Variants in MMP27 observed in about 807,000 individuals in gnomAD.
The protein encoded by MMP27 is matrix metallopeptidase 27.
In MMP27, 51 loss-of-function variants were observed where a neutral mutation model predicts 48.1. The ratio of observed to expected loss-of-function variants is 1.06; its 90% CI spans 0.85 to 1.34. MMP27 has a LOEUF of 1.34. Ranked by LOEUF, MMP27 falls within the 40% of genes most tolerant of loss-of-function variation. The pLI, the probability that MMP27 is intolerant of heterozygous loss-of-function variation, is 0.00. For missense variants in MMP27, 698 were observed against 619.3 expected, an observed-to-expected ratio of 1.13 and a Z score of -1.35; for synonymous variants, 229 against 208.9, an observed-to-expected ratio of 1.10 and a Z score of -0.83.
At chr11:102,704,843 A>T (rs149024054) in intron 1 of MMP27, 68 bp from the exon 2 acceptor site, 2 of 1,055,422 alleles carry the variant, frequency 1.9e-6, no homozygotes, top group Non-Finnish European at 2.7e-6. Flanking sequence ...CCATCTCAGG[A>T]TAAAGCAAAA....
chr11:102,696,374 C>T lies in MMP27; in HGVS notation c.899G>A (p.Gly300Asp), dbSNP rs780088897. Reference protein sequence around the residue: ...TFRREVMFFKGRHLWRIYYDI... With the variant: ...TFRREVMFFKDRHLWRIYYDI... ...GTGTTTAGAGAAATGAGTTTACCTG[C>T]CTTTAAAGAACATTACTTCTCTGCG... The change falls in exon 6 of 10, where the codon GGC (glycine) becomes GAC (aspartate). Residue 300 changes from glycine to aspartate, a missense_variant. Physicochemically the swap from Gly to Asp is moderately conservative, Grantham distance 94. Transcript: ENST00000260229. The T allele has an allele frequency of 2.2e-5, 36 of 1,613,370 alleles. No individual in the cohort carries two copies. The highest frequency in any genetic ancestry group is 3.0e-5 in the Non-Finnish European group (35 of 1,179,640).
In MMP27 at chr11:102,691,737, C is replaced by A. The variant is rs1278122246; in HGVS notation, c.*29G>T. 1.3e-6 allele frequency: 2 copies of A among 1,504,916 alleles called. No homozygotes were observed. The highest frequency in any genetic ancestry group is 2.6e-5 in the South Asian group (2 of 76,020). The allele number at this position is 1,504,916 out of a possible 1,614,324, so 93.2% of individuals were successfully genotyped here. On this transcript the variant is annotated 3_prime_UTR_variant, in exon 10 of 10. Transcript: ENST00000260229. ...TGAAGCAGAATTTATATTAAAAGAC[C>A]TGTTGAGGTTTATTTTAGGTCTATG...
Position 102,692,961 on chromosome 11 carries a change from A to G in MMP27, c.1274T>C (p.Val425Ala). The G allele has an allele frequency of 1.2e-6, 2 of 1,613,646 alleles. No individual in the cohort carries two copies. The highest frequency in any genetic ancestry group is 1.7e-6 in the Non-Finnish European group (2 of 1,179,650). ...ACCTTTGTACTGGAAAGCAGCATCA[A>G]CACGGATACTGATTCCAGGAAAGTG... ...VKHFPGISIR[V>A]DAAFQYKGFF... Residue 425 changes from valine to alanine, a missense_variant, in exon 9 of 10, where the codon GTT becomes GCT. By Grantham distance (64) the Val-to-Ala change is moderately conservative. Coordinates refer to ENST00000260229, the MANE Select transcript of MMP27 (RefSeq NM_022122.3).
At chr11:102,699,652 C>A (rs1860901525) in intron 4 of MMP27, among the ~76,000 whole-genome samples, 1 of 152,138 alleles carries the variant, frequency 6.6e-6, no homozygotes, top group South Asian at 2.1e-4. Flanking sequence ...TCTGCTCTTG[C>A]CTTTGTTGCT....
In MMP27 at chr11:102,691,620, A is replaced by G. The variant is rs987128196; in HGVS notation, c.*146T>C. 1.7e-5 allele frequency: 11 copies of G among 654,156 alleles called. No individual in the cohort carries two copies. In the South Asian group the frequency reaches 2.6e-4, roughly 16 times the overall value. 40.5% of individuals were successfully genotyped at this position (654,156 alleles called of 1,614,324 possible). A position where few individuals can be genotyped will look rare whatever the true frequency, so the allele number is the denominator to read the frequency against. On this transcript the variant is annotated 3_prime_UTR_variant, in exon 10 of 10. Coordinates refer to ENST00000260229, the MANE Select transcript of MMP27 (RefSeq NM_022122.3). The stretch of plus-strand genomic sequence containing the variant: ...TGTTTCTACATAATAACTTCCTATT[A>G]AAAGAATCAGGCAGCTCAAAATGGC...
At position 102,694,068 on chromosome 11, in the gene MMP27, A is replaced by AG. The variant is rs1860777246; in HGVS notation, c.1034-4dup. The AG allele has an allele frequency of 3.2e-6, 5 of 1,557,324 alleles. No individual in the cohort carries two copies. Among genetic ancestry groups the AG allele is most frequent in the Non-Finnish European group, 4.3e-6 (5 of 1,155,774 alleles). ...TCTGATCATCCAGAAGTTTTCATCT[A>AG]GGAAGAGAGGAGTGATTATTTATTT... On this transcript the variant is annotated splice_polypyrimidine_tract_variant and splice_region_variant and intron_variant, in intron 7 of 9. Coordinates refer to ENST00000260229, the MANE Select transcript of MMP27 (RefSeq NM_022122.3).
chr11:102,697,912 G>A (rs181496214), intron 4 of MMP27, among the ~76,000 whole-genome samples: 56 of 152,226 alleles, frequency 3.7e-4, no homozygotes, highest in Admixed American at 6.5e-4. Flanking sequence ...AGGGTCATCC[G>A]TATTACTGTC....
At chr11:102,702,915 G>A in intron 3 of MMP27, 34 bp from the exon 4 acceptor site, 1 of 1,611,916 alleles carries the variant, frequency 6.2e-7, no homozygotes, top group Non-Finnish European at 8.5e-7. Context: ...AAAAAGATCA[G>A]CTTCCTCAAA....
intron 4 of MMP27, among the ~76,000 whole-genome samples, chr11:102,699,651 GC>G (rs1180931311): frequency 6.6e-6 from 1 of 152,148 alleles, no homozygotes; most frequent in Non-Finnish European, 1.5e-5. Flanking sequence ...TTCTGCTCTT[GC>G]CTTTGTTGCT....
At chr11:102,703,152 C>T (rs1406010811) in intron 2 of MMP27, 34 bp from the exon 3 acceptor site, 2 of 1,594,198 alleles carry the variant, frequency 1.3e-6, no homozygotes, top group Non-Finnish European at 1.7e-6. Flanking sequence ...CAATTTCTGG[C>T]TTATTCATGC....
chr11:102,694,448 C>T (rs1469921889), intron 7 of MMP27, among the ~76,000 whole-genome samples: 1 of 152,082 alleles, frequency 6.6e-6, no homozygotes. Context: ...GACATGTTCT[C>T]CTAAGTTTCA....
chr11:102,697,744 A>AT (rs1404466374), intron 4 of MMP27, among the ~76,000 whole-genome samples: 3 of 152,144 alleles, frequency 2.0e-5, no homozygotes, highest in Admixed American at 1.3e-4. Context: ...GGCTAAAGCA[A>AT]TCCTCCGGCT....
At chr11:102,692,856 AG>A (rs1860750118) in intron 9 of MMP27, 81 bp downstream of exon 9, 2 of 1,130,430 alleles carry the variant, frequency 1.8e-6, no homozygotes, top group Non-Finnish European at 2.6e-6. Context: ...TTAAAATAAA[AG>A]CATTTAAGTT....
At chr11:102,696,350 T>G in intron 6 of MMP27, 21 bp downstream of exon 6, 1 of 1,612,028 alleles carries the variant, frequency 6.2e-7, no homozygotes, top group Non-Finnish European at 8.5e-7. Flanking sequence ...GAAGTTGAGG[T>G]GTTTAGAGAA....
In MMP27 at chr11:102,703,072, C is replaced by G. The variant is rs767010097; in HGVS notation, c.388G>C (p.Ala130Pro). The G allele has an allele frequency of 2.5e-6, 4 of 1,613,982 alleles. No homozygotes were observed. In the African/African-American group the frequency reaches 4.0e-5, roughly 16 times the overall value. The change falls in exon 3 of 10, where the codon GCT becomes CCT. Residue 130 changes from alanine to proline, a missense_variant. Ala to Pro is a conservative substitution (Grantham distance 27). Coordinates refer to ENST00000260229, the MANE Select transcript of MMP27 (RefSeq NM_022122.3). ...PDMARAAVDE[A>P]IQEGLEVWSK... ...CACACTTCTAAACCTTCTTGGATAGCCTCATCCACAGCAGCTCGTGCCATA... is the reference window on the plus strand; with the variant it reads ...CACACTTCTAAACCTTCTTGGATAGGCTCATCCACAGCAGCTCGTGCCATA...
intron 8 of MMP27, among the ~76,000 whole-genome samples, chr11:102,693,563 G>A (rs867277366): frequency 2.6e-5 from 4 of 152,102 alleles, no homozygotes; most frequent in Middle Eastern, 3.4e-3. Flanking sequence ...TGGGTGGATC[G>A]CTTGAGCCCA....
Position 102,691,862 on chromosome 11 carries a change from T to G in MMP27, c.1446A>C (p.Ala482=), listed in dbSNP as rs1860730376. 1 of 1,613,444 alleles carries G rather than the reference T, an allele frequency of 6.2e-7. No individual in the cohort carries two copies. Among genetic ancestry groups the G allele is most frequent in the South Asian group, 1.1e-5 (1 of 91,046 alleles). Residue 482 remains alanine (A), a synonymous_variant, in exon 10 of 10, where the codon GCA becomes GCC. Transcript: ENST00000260229. ...SFGFDINKEK[A]HSGGIKILYH... ...ACAATATCTTTATGCCTCCTGAATG[T>G]GCTTTTTCCTTGTTGATATCAAAAC...
At chr11:102,700,062 C>G (rs899781351) in intron 4 of MMP27, among the ~76,000 whole-genome samples, 1 of 152,148 alleles carries the variant, frequency 6.6e-6, no homozygotes, top group Non-Finnish European at 1.5e-5. Flanking sequence ...ATTTTAGTTG[C>G]CATTTAATTG....
Position 102,694,999 on chromosome 11 carries a change from TC to T in MMP27, c.1000del (p.Glu334ArgfsTer17), listed in dbSNP as rs772192264. 8 of 1,614,020 alleles carry T rather than the reference TC, an allele frequency of 5.0e-6. No individual in the cohort carries two copies. The East Asian group carries it at 1.6e-4, about 31-fold the overall frequency. ...SLPADLQAAYENPRDKILVFK... is the reference protein window; with the variant it reads ...SLPADLQAAYXNPRDKILVFK... The stretch of plus-strand genomic sequence containing the variant: ...AACCAGAATCTTATCTCTGGGGTTC[TC>T]GTATGCAGCTTGCAGATCAGCTGGC... On this transcript the variant is annotated frameshift_variant, in exon 7 of 10. Transcript: ENST00000260229. LOFTEE classifies it high-confidence loss of function.
Sources: gnomAD v4.1 joint callset for allele counts (sites outside exome capture counted in the v4.1 genomes callset) on GRCh38, gnomAD v4.1.1 for gene constraint, MANE v1.5 for transcripts, NCBI Gene and HGNC (gene_info 2026-07-23, HGNC 2026-07-21) for gene names.